The following GRID2 variants were observed in gnomAD, a reference collection of about 807,000 sequenced individuals.
The protein encoded by GRID2 is glutamate ionotropic receptor delta type subunit 2.
A neutral mutation model predicts 114.8 loss-of-function variants in GRID2; 33 were observed. The observed-to-expected ratio is 0.29, with a 90% CI of 0.22 to 0.38. The LOEUF is 0.38. GRID2 is among the 10% of genes least tolerant of loss of function. The pLI is 1.00. For synonymous variants in GRID2, 505 were observed against 449.9 expected (o/e 1.12, Z -1.55); for missense variants, 1,184 against 1,257.7 (o/e 0.94, Z 0.89).
At chr4:93,705,204 A>G (rs1051467586) in intron 14 of GRID2, among the ~76,000 whole-genome samples, 3 of 152,192 alleles carry the variant, frequency 2.0e-5, no homozygotes, top group Admixed American at 6.5e-5. Context: ...CTGATGATCA[A>G]TGATGTTGAG....
At chr4:92,797,969 A>T (rs1739972789) in intron 2 of GRID2, among the ~76,000 whole-genome samples, 1 of 151,998 alleles carries the variant, frequency 6.6e-6, no homozygotes, top group South Asian at 2.1e-4. Flanking sequence ...TGCCTTAAAA[A>T]TTGTTATTTT....
chr4:92,758,351 G>C (rs1737830411), intron 2 of GRID2, among the ~76,000 whole-genome samples: 1 of 151,750 alleles, frequency 6.6e-6, no homozygotes, highest in African/African-American at 2.4e-5. Context: ...TTTCACTCAG[G>C]ATTTTGTTCT....
intron 10 of GRID2, among the ~76,000 whole-genome samples, chr4:93,433,470 G>T (rs1246734285): frequency 6.6e-6 from 1 of 152,090 alleles, no homozygotes; most frequent in Non-Finnish European, 1.5e-5. Context: ...CAAAAAACAG[G>T]TTCCTTGAGT....
rs34742442 is a variant in GRID2, at chr4:93,543,710, T to TAGAGAGAGAGAGAGAGAGAGAG, written c.2193+28315_2193+28336dup. On this transcript the variant is annotated intron_variant, in intron 13 of 15. Coordinates refer to ENST00000282020, the MANE Select transcript of GRID2 (RefSeq NM_001510.4). Reference sequence around the variant, plus strand: ...AGCAAGAGTGAGAGTGAGTGAGAGATAGAGAGAGAGAGAGAGAGAGAGAGA... The same window carrying TAGAGAGAGAGAGAGAGAGAGAG: ...AGCAAGAGTGAGAGTGAGTGAGAGATAGAGAGAGAGAGAGAGAGAGAGAGAGAGAGAGAGAGAGAGAGAGAGA... Among the ~76,000 whole-genome samples the TAGAGAGAGAGAGAGAGAGAGAG allele has an allele frequency of 1.8e-3, 240 of 133,576 alleles. 5 individuals carry two copies. Among genetic ancestry groups the TAGAGAGAGAGAGAGAGAGAGAG allele is most frequent in the African/African-American group, 6.7e-3 (229 of 34,076 alleles). 87.6% of individuals were successfully genotyped at this position (133,576 alleles called of 152,430 possible).
intron 11 of GRID2, among the ~76,000 whole-genome samples, chr4:93,486,046 T>G (rs1726370104): frequency 6.6e-6 from 1 of 151,694 alleles, no homozygotes; most frequent in South Asian, 2.1e-4. Flanking sequence ...CAAAAATAGT[T>G]TTATAGTTTT....
intron 14 of GRID2, among the ~76,000 whole-genome samples, chr4:93,658,405 T>G (rs1216485755): frequency 6.6e-6 from 1 of 152,168 alleles, no homozygotes; most frequent in Non-Finnish European, 1.5e-5. Flanking sequence ...TTAAATAATT[T>G]TAACAGCAAA....
At chr4:93,432,474 G>C (rs1278403918) in intron 10 of GRID2, among the ~76,000 whole-genome samples, 1 of 152,162 alleles carries the variant, frequency 6.6e-6, no homozygotes, top group Admixed American at 6.5e-5. Context: ...AGAAATGAAA[G>C]AGTAGGTTAG....
intron 2 of GRID2, among the ~76,000 whole-genome samples, chr4:92,872,574 A>C (rs1292965365): frequency 6.6e-6 from 1 of 152,342 alleles, no homozygotes; most frequent in East Asian, 1.9e-4. Context: ...TGAAAAAAAA[A>C]TGTTAATACT....
intron 1 of GRID2, among the ~76,000 whole-genome samples, chr4:92,361,517 G>T (rs1331713975): frequency 6.6e-6 from 1 of 151,926 alleles, no homozygotes; most frequent in African/African-American, 2.4e-5. Context: ...GCTGTATCTA[G>T]TACATATTTT....
intron 2 of GRID2, among the ~76,000 whole-genome samples, chr4:92,811,674 A>G (rs948573194): frequency 3.9e-5 from 6 of 152,064 alleles, no homozygotes; most frequent in African/African-American, 1.4e-4. Context: ...TTTCTTCAGG[A>G]ACTTATGCCA....
At chr4:92,499,714 A>C (rs1341577632) in intron 1 of GRID2, among the ~76,000 whole-genome samples, 1 of 152,126 alleles carries the variant, frequency 6.6e-6, no homozygotes, top group African/African-American at 2.4e-5. Flanking sequence ...TTCTGGGTTC[A>C]TGCGATTCTC....
chr4:92,503,362 A>C (rs1232938538), intron 1 of GRID2, among the ~76,000 whole-genome samples: 2 of 152,144 alleles, frequency 1.3e-5, no homozygotes, highest in African/African-American at 4.8e-5. Context: ...AAGATACAGC[A>C]TATTGGCATT....
At chr4:92,663,611 C>T (rs1358080161) in intron 2 of GRID2, among the ~76,000 whole-genome samples, 2 of 151,094 alleles carry the variant, frequency 1.3e-5, no homozygotes, top group African/African-American at 4.8e-5. Flanking sequence ...TTGTGGTTTA[C>T]CTTTTTTTCC....
At chr4:92,905,134 A>T (rs1246414765) in intron 2 of GRID2, among the ~76,000 whole-genome samples, 2 of 152,020 alleles carry the variant, frequency 1.3e-5, no homozygotes, top group African/African-American at 4.8e-5. Flanking sequence ...AATGATATTT[A>T]TTTCCCCTAA....
At chr4:92,826,035 AT>A (rs1368931089) in intron 2 of GRID2, among the ~76,000 whole-genome samples, 1 of 152,150 alleles carries the variant, frequency 6.6e-6, no homozygotes, top group Non-Finnish European at 1.5e-5. Flanking sequence ...CACAAGTGGC[AT>A]CTTGTCACCC....
chr4:93,690,277 G>T (rs556674875), intron 14 of GRID2, among the ~76,000 whole-genome samples: 3 of 151,906 alleles, frequency 2.0e-5, no homozygotes, highest in Non-Finnish European at 1.5e-5. Context: ...TATAAAAAAC[G>T]CACAATAAGA....
At chr4:93,680,255 G>A (rs1481384471) in intron 14 of GRID2, among the ~76,000 whole-genome samples, 28 of 152,142 alleles carry the variant, frequency 1.8e-4, no homozygotes, top group Non-Finnish European at 3.5e-4. Flanking sequence ...GAATAGACCA[G>A]TAACAGAATC....
intron 2 of GRID2, among the ~76,000 whole-genome samples, chr4:92,760,554 C>T (rs921856105): frequency 6.6e-6 from 1 of 152,264 alleles, no homozygotes; most frequent in African/African-American, 2.4e-5. Context: ...TGCCCAAGGT[C>T]TTACTGTGAC....
chr4:92,828,706 T>G (rs1371713831), intron 2 of GRID2, among the ~76,000 whole-genome samples: 2 of 152,134 alleles, frequency 1.3e-5, no homozygotes, highest in African/African-American at 4.8e-5. Flanking sequence ...TTGTGTGATT[T>G]TGGTAATGTT....
Sources: gnomAD v4.1 joint callset for allele counts (sites outside exome capture counted in the v4.1 genomes callset) on GRCh38, gnomAD v4.1.1 for gene constraint, MANE v1.5 for transcripts, NCBI Gene and HGNC (gene_info 2026-07-23, HGNC 2026-07-21) for gene names.